EYA2: variants seen among roughly 807,000 people sequenced by gnomAD.
EYA2 encodes EYA transcriptional coactivator and phosphatase 2.
In EYA2, 31 loss-of-function variants were observed where a neutral mutation model predicts 69.2. That is an observed-to-expected ratio of 0.45 (90% CI 0.34 to 0.60). The LOEUF (loss-of-function observed/expected upper bound fraction) is 0.60. EYA2 is among the 20% of genes least tolerant of loss of function. The pLI is 0.02. For synonymous variants in EYA2, 257 were observed against 279.4 expected (o/e 0.92, Z 0.80); for missense variants, 622 against 701.2 (o/e 0.89, Z 1.28).
chr20:47,114,976 A>G (rs71351659), intron 9 of EYA2, among the ~76,000 whole-genome samples: 4,002 of 152,334 alleles, frequency 0.026, 85 homozygotes, highest in Non-Finnish European at 0.042. Context: ...TGCTGTGCTT[A>G]TACAGCCTGC....
At chr20:47,061,911 C>G (rs2030909121) in intron 5 of EYA2, among the ~76,000 whole-genome samples, 1 of 152,348 alleles carries the variant, frequency 6.6e-6, no homozygotes, top group Middle Eastern at 3.4e-3. Flanking sequence ...GCGTACACCT[C>G]AGGTCCTCCC....
chr20:46,962,140 C>T (rs1168786821), intron 1 of EYA2, among the ~76,000 whole-genome samples: 1 of 152,194 alleles, frequency 6.6e-6, no homozygotes, highest in Non-Finnish European at 1.5e-5. Flanking sequence ...GTGATCCTCC[C>T]ACCTCAGCCT....
At chr20:47,122,289 G>GTTTTT (rs1180670988) in intron 9 of EYA2, among the ~76,000 whole-genome samples, 19 of 110,842 alleles carry the variant, frequency 1.7e-4, no homozygotes, top group Middle Eastern at 5.2e-3. Context: ...TATTTTCTTG[G>GTTTTT]TTTTTTTTTT....
At chr20:47,017,270 A>G (rs946678740) in intron 5 of EYA2, among the ~76,000 whole-genome samples, 3 of 152,144 alleles carry the variant, frequency 2.0e-5, no homozygotes, top group Non-Finnish European at 4.4e-5. Flanking sequence ...ATTACCATCA[A>G]GGGTCTGAAA....
rs1460479070 is a variant in EYA2 at position 47,179,839 on chromosome 20, C to T, written c.1240C>T (p.Arg414Ter). 2 of 1,614,076 alleles carry T rather than the reference C, an allele frequency of 1.2e-6. No homozygotes were observed. Among genetic ancestry groups the T allele is most frequent in the Non-Finnish European group, 8.5e-7 (1 of 1,179,976 alleles). The change falls in exon 13 of 16, where the codon CGA (arginine) becomes TGA (stop). Residue 414 changes from arginine (R) to a stop codon, truncating the protein, a stop_gained. Coordinates refer to ENST00000327619, the MANE Select transcript of EYA2 (RefSeq NM_005244.5). LOFTEE classifies it high-confidence loss of function. The part of the protein sequence containing the change: ...TPKRETWLQL[R>*]AELEALTDLW... Reference sequence around the variant, plus strand: ...CAAAAGGGAGACCTGGCTACAGCTCCGAGCTGAGCTGGAAGCTCTCACAGA... The same window carrying T: ...CAAAAGGGAGACCTGGCTACAGCTCTGAGCTGAGCTGGAAGCTCTCACAGA...
chr20:47,076,821 A>G (rs1400826829), intron 7 of EYA2, among the ~76,000 whole-genome samples: 2 of 152,164 alleles, frequency 1.3e-5, no homozygotes, highest in South Asian at 2.1e-4. Context: ...CTCCTCCCCT[A>G]TGGTGGCAAA....
At chr20:46,996,874 G>A (rs538711739) in intron 2 of EYA2, among the ~76,000 whole-genome samples, 23 of 151,580 alleles carry the variant, frequency 1.5e-4, no homozygotes, top group African/African-American at 5.3e-4. Flanking sequence ...AGAGGGGGGT[G>A]GCAAGTGCGA....
chr20:46,901,991 G>A (rs1984138689), intron 1 of EYA2, among the ~76,000 whole-genome samples: 3 of 152,222 alleles, frequency 2.0e-5, no homozygotes, highest in African/African-American at 7.2e-5. Flanking sequence ...AAGACCGGTA[G>A]GAGGGGAGAA....
At chr20:47,005,168 G>A (rs1982632066) in intron 4 of EYA2, 84 bp downstream of exon 4, 10 of 1,476,216 alleles carry the variant, frequency 6.8e-6, no homozygotes, top group African/African-American at 1.4e-5. Context: ...AGCTAAATGT[G>A]GATTAATAGA....
intron 10 of EYA2, among the ~76,000 whole-genome samples, chr20:47,149,084 C>CAA (rs796440829): frequency 2.2e-5 from 3 of 133,398 alleles, no homozygotes; most frequent in African/African-American, 5.5e-5. Context: ...CTCCAAAAAA[C>CAA]AAAAAAAAAA....
intron 10 of EYA2, among the ~76,000 whole-genome samples, chr20:47,147,054 C>CTTTTTTTTTTTTTTTTTTTTTTTTTTT: frequency 8.9e-6 from 1 of 112,902 alleles, no homozygotes; most frequent in Non-Finnish European, 1.8e-5. Context: ...GCTCCTCTGA[C>CTTTTTTTTTTTTTTTTTTTTTTTTTTT]TTTTTTTTTT....
Position 47,172,799 on chromosome 20 carries a change from T to A in EYA2, c.1130T>A (p.Met377Lys). The change falls in exon 12 of 16, where the codon ATG (methionine) becomes AAG (lysine). Residue 377 changes from methionine to lysine, a missense_variant. By Grantham distance (95) the Met-to-Lys change is moderately conservative (BLOSUM62 -1). This residue lies in a region of EYA2 where 257 missense variants were observed against 351.5 expected (regional missense o/e 0.73). Transcript: ENST00000327619. ...GSGVHGGVDWMRKLAFRYRRV... is the reference protein window; with the variant it reads ...GSGVHGGVDWKRKLAFRYRRV... ...GGCGTGCACGGCGGCGTGGACTGGA[T>A]GAGGAAGCTGGCCTTCCGCTACCGG... is the stretch of plus-strand genomic sequence containing the variant. 6.2e-7 allele frequency: 1 copy of A among 1,614,104 alleles called. No individual in the cohort carries two copies. Among genetic ancestry groups the A allele is most frequent in the Middle Eastern group, 1.6e-4 (1 of 6,062 alleles).
At chr20:47,148,301 G>T (rs1482732004) in intron 10 of EYA2, among the ~76,000 whole-genome samples, 2 of 152,098 alleles carry the variant, frequency 1.3e-5, no homozygotes, top group African/African-American at 4.8e-5. Flanking sequence ...ATCTAGGGCT[G>T]TAAGGATGGA....
chr20:47,078,199 C>G (rs2031583379), intron 7 of EYA2, among the ~76,000 whole-genome samples: 1 of 152,220 alleles, frequency 6.6e-6, no homozygotes, highest in Non-Finnish European at 1.5e-5. Context: ...GTGTGTCTAA[C>G]AAGCTGACAT....
intron 1 of EYA2, among the ~76,000 whole-genome samples, chr20:46,948,179 G>A (rs1331445888): frequency 6.6e-6 from 1 of 151,934 alleles, no homozygotes; most frequent in Admixed American, 6.6e-5. Flanking sequence ...GTCTATCCCA[G>A]GAGTTGGCAA....
intron 9 of EYA2, among the ~76,000 whole-genome samples, chr20:47,133,758 A>G (rs917964238): frequency 1.3e-5 from 2 of 152,204 alleles, no homozygotes; most frequent in Admixed American, 6.5e-5. Flanking sequence ...TCTCCCAGCA[A>G]CAATGTGTGC....
chr20:46,992,018 C>CATTCCCCA (rs1555810280), intron 2 of EYA2, among the ~76,000 whole-genome samples: 1 of 146,850 alleles, frequency 6.8e-6, no homozygotes, highest in Non-Finnish European at 1.5e-5. Flanking sequence ...TGGGCCCCCA[C>CATTCCCCA]ATTCCCCGCT....
At chr20:47,125,367 T>G (rs544944779) in intron 9 of EYA2, among the ~76,000 whole-genome samples, 1 of 152,284 alleles carries the variant, frequency 6.6e-6, no homozygotes, top group Non-Finnish European at 1.5e-5. Flanking sequence ...TAAGTTCTTG[T>G]TAGTACAGAT....
At chr20:46,921,892 A>G (rs1406986339) in intron 1 of EYA2, among the ~76,000 whole-genome samples, 1 of 152,228 alleles carries the variant, frequency 6.6e-6, no homozygotes, top group Non-Finnish European at 1.5e-5. Context: ...CCCAATTGCT[A>G]TAAACTAATA....
Sources: allele counts gnomAD v4.1 joint callset (sites outside exome capture counted in the v4.1 genomes callset), GRCh38; gene constraint gnomAD v4.1.1; regional missense constraint gnomAD v4.1.1; transcripts MANE v1.5; gene names NCBI Gene and HGNC (gene_info 2026-07-23, HGNC 2026-07-21).